Variants in DMD observed in about 807,000 individuals in gnomAD.
DMD encodes dystrophin.
In DMD, 63 loss-of-function variants were observed where a neutral mutation model predicts 330.1. That is an observed-to-expected ratio of 0.19 (90% CI 0.16 to 0.24). The LOEUF is 0.24. Ranked by LOEUF, DMD falls within the 10% of genes least tolerant of loss-of-function variation. The pLI is 1.00. For synonymous variants in DMD, 1,223 were observed against 959.8 expected (o/e 1.27, Z -5.07); for missense variants, 3,344 against 2,684.1 (o/e 1.25, Z -5.43).
At chrX:32,686,865 A>G (rs1022475839) in intron 9 of DMD, among the ~76,000 whole-genome samples, 1 of 111,179 alleles carries the variant, frequency 9.0e-6, no homozygotes, top group East Asian at 2.8e-4. Flanking sequence ...TAAAATAATT[A>G]TAATCCTTAA....
chrX:32,575,007 C>T (rs2052872142), intron 13 of DMD, among the ~76,000 whole-genome samples: 1 of 110,183 alleles, frequency 9.1e-6, no homozygotes, highest in Non-Finnish European at 1.9e-5. Flanking sequence ...AGGGAATTCT[C>T]CTGCCTCAGC....
chrX:32,825,103 T>A (rs1222227041), intron 4 of DMD, among the ~76,000 whole-genome samples: 3 of 111,912 alleles, frequency 2.7e-5, no homozygotes, highest in Non-Finnish European at 5.6e-5. Flanking sequence ...TGAAACTTAA[T>A]TCTAGTGATA....
chrX:31,631,397 C>T (rs1272335448), intron 54 of DMD, among the ~76,000 whole-genome samples: 1 of 111,196 alleles, frequency 9.0e-6, no homozygotes, highest in Admixed American at 9.6e-5. Context: ...CCAAAGTTAC[C>T]CACTATGTCC....
intron 62 of DMD, among the ~76,000 whole-genome samples, chrX:31,315,920 C>A (rs2055968114): frequency 8.9e-6 from 1 of 111,941 alleles, no homozygotes; most frequent in African/African-American, 3.2e-5. Context: ...CTCTATTGAC[C>A]ACTAGAAAAC....
intron 37 of DMD, among the ~76,000 whole-genome samples, chrX:32,352,263 T>C (rs1211633075): frequency 9.0e-6 from 1 of 110,779 alleles, no homozygotes; most frequent in Non-Finnish European, 1.9e-5. Flanking sequence ...TTTATAACCT[T>C]ACAGTAAGTT....
At chrX:32,798,726 A>G (rs1041260220) in intron 7 of DMD, among the ~76,000 whole-genome samples, 1 of 111,940 alleles carries the variant, frequency 8.9e-6, no homozygotes, top group Non-Finnish European at 1.9e-5. Context: ...ATAGAGAAGG[A>G]ACACCTATAA....
intron 19 of DMD, among the ~76,000 whole-genome samples, chrX:32,500,045 T>A (rs1312846146): frequency 9.0e-6 from 1 of 110,773 alleles, no homozygotes; most frequent in African/African-American, 3.3e-5. Context: ...GACGTATCAG[T>A]TCGACCATAT....
chrX:31,121,426 TTGTGTGTGTGTGTGTATGTG>T lies in DMD; in HGVS notation c.*473_*492del, dbSNP rs891486611. On this transcript the variant is annotated 3_prime_UTR_variant, in exon 79 of 79. Coordinates refer to ENST00000357033, the MANE Select transcript of DMD (RefSeq NM_004006.3). ...CAAAACAATGCGCTGCCTCAAAGTT[TTGTGTGTGTGTGTGTATGTG>T]TGTGTGTGTGTGTTTGTTTTGTTTT... 8 of 103,098 alleles carry T rather than the reference TTGTGTGTGTGTGTGTATGTG, an allele frequency of 7.8e-5. No individual in the cohort carries two copies. Among genetic ancestry groups the T allele is most frequent in the African/African-American group, 2.3e-4 (5 of 22,038 alleles). 8.5% of individuals were successfully genotyped at this position (103,098 alleles called of 1,213,427 possible).
At position 32,329,899 on chromosome X, in the gene DMD, T is replaced by C. The variant is rs767304248; in HGVS notation, c.5922+12201A>G. On this transcript the variant is annotated intron_variant, in intron 41 of 78. Transcript: ENST00000357033. Reference sequence around the variant, plus strand: ...TCTGAACATCTTAAGTTTGTACAGATATGGGCACTTGGATTATATTTAATC... The same window carrying C: ...TCTGAACATCTTAAGTTTGTACAGACATGGGCACTTGGATTATATTTAATC... 2.7e-5 allele frequency among the ~76,000 whole-genome samples: 3 copies of C among 112,656 alleles called. No homozygotes were observed. In the South Asian group the frequency reaches 1.1e-3, roughly 41 times the overall value.
chrX:32,658,423 C>G (rs955812269), intron 9 of DMD, among the ~76,000 whole-genome samples: 8 of 111,288 alleles, frequency 7.2e-5, no homozygotes, highest in African/African-American at 2.6e-4. Flanking sequence ...GCCCCCAACT[C>G]AGCTCTGTCA....
At chrX:32,024,288 C>G (rs913430452) in intron 44 of DMD, among the ~76,000 whole-genome samples, 4 of 109,666 alleles carry the variant, frequency 3.6e-5, no homozygotes, top group Non-Finnish European at 5.7e-5. Context: ...AACTCGAGAC[C>G]AGCCTGGTCA....
rs184572302 is a variant in DMD, at chrX:32,443,767, T to G, written c.3787-2453A>C. ...AGCCACTTAGAATAACTGTTAAGCT[T>G]AACAGTTTGGATCTTAAAATTACTT... On this transcript the variant is annotated intron_variant, in intron 27 of 78. Transcript: ENST00000357033. Among the ~76,000 whole-genome samples, 91 of 111,210 alleles carry G rather than the reference T, an allele frequency of 8.2e-4. No individual in the cohort carries two copies. The East Asian group carries it at 0.023, about 28-fold the overall frequency.
At chrX:32,721,527 T>C (rs768501144) in intron 7 of DMD, among the ~76,000 whole-genome samples, 13 of 111,219 alleles carry the variant, frequency 1.2e-4, no homozygotes, top group Non-Finnish European at 1.1e-4. Context: ...GTTCAAGTTC[T>C]TTCCCAATTT....
intron 44 of DMD, among the ~76,000 whole-genome samples, chrX:32,074,322 T>A (rs1348110111): frequency 9.0e-6 from 1 of 111,514 alleles, no homozygotes; most frequent in African/African-American, 3.3e-5. Flanking sequence ...AAAATCAGGA[T>A]GATGAAGAAA....
At chrX:31,993,909 C>T (rs1399007286) in intron 44 of DMD, among the ~76,000 whole-genome samples, 2 of 111,552 alleles carry the variant, frequency 1.8e-5, no homozygotes, top group South Asian at 3.7e-4. Context: ...AAACAGACCA[C>T]GGGCTGGAAG....
intron 23 of DMD, among the ~76,000 whole-genome samples, chrX:32,466,713 C>A (rs1368047811): frequency 9.0e-6 from 1 of 111,054 alleles, no homozygotes; most frequent in Non-Finnish European, 1.9e-5. Context: ...GAAATTGACA[C>A]TAGATGATGT....
chrX:32,338,279 C>A (rs1355376334), intron 41 of DMD, among the ~76,000 whole-genome samples: 1 of 110,769 alleles, frequency 9.0e-6, no homozygotes, highest in African/African-American at 3.3e-5. Context: ...TTTATTTTTT[C>A]CACGTTGGTT....
At chrX:32,233,885 C>T (rs1367306586) in intron 43 of DMD, among the ~76,000 whole-genome samples, 1 of 110,695 alleles carries the variant, frequency 9.0e-6, no homozygotes, top group Non-Finnish European at 1.9e-5. Context: ...CCACCTTGGT[C>T]TCTCAAAGTG....
At chrX:32,440,208 A>C (rs1398588918) in intron 28 of DMD, among the ~76,000 whole-genome samples, 1 of 112,013 alleles carries the variant, frequency 8.9e-6, no homozygotes, top group Non-Finnish European at 1.9e-5. Context: ...GCTGATTCAC[A>C]AGAAATGTTT....
Sources: allele counts gnomAD v4.1 joint callset (sites outside exome capture counted in the v4.1 genomes callset), GRCh38; gene constraint gnomAD v4.1.1; transcripts MANE v1.5; gene names NCBI Gene and HGNC (gene_info 2026-07-23, HGNC 2026-07-21).